The following IL6ST variants were observed in gnomAD, a reference collection of about 807,000 sequenced individuals.
IL6ST encodes interleukin-6 receptor subunit beta.
A neutral mutation model predicts 91.3 loss-of-function variants in IL6ST; 24 were observed. The observed-to-expected ratio is 0.26, with a 90% CI of 0.19 to 0.37. IL6ST has a LOEUF of 0.37. IL6ST is among the 10% of genes least tolerant of loss of function. IL6ST has a pLI of 1.00. For synonymous variants in IL6ST, 351 were observed against 373.6 expected (o/e 0.94, Z 0.70); for missense variants, 914 against 1,078.5 (o/e 0.85, Z 2.14).
intron 1 of IL6ST, among the ~76,000 whole-genome samples, chr5:55,984,763 T>C (rs543154448): frequency 3.4e-4 from 51 of 152,132 alleles, no homozygotes; most frequent in African/African-American, 1.1e-3. Flanking sequence ...TAACTTTAAG[T>C]ATATAATGCA....
At chr5:55,993,636 C>CGAAA (rs2111966003) in intron 1 of IL6ST, among the ~76,000 whole-genome samples, 1 of 152,290 alleles carries the variant, frequency 6.6e-6, no homozygotes, top group East Asian at 1.9e-4. Flanking sequence ...GACACTTTCT[C>CGAAA]CTTCCTGTAA....
chr5:55,980,474 C>T (rs973750652), intron 2 of IL6ST, among the ~76,000 whole-genome samples: 1 of 152,070 alleles, frequency 6.6e-6, no homozygotes, highest in African/African-American at 2.4e-5. Context: ...CACTTGAACC[C>T]GGGAGGCGGA....
intron 2 of IL6ST, among the ~76,000 whole-genome samples, chr5:55,980,929 T>C (rs916772906): frequency 4.6e-5 from 7 of 152,190 alleles, no homozygotes; most frequent in Non-Finnish European, 8.8e-5. Flanking sequence ...GGGGTCTCAC[T>C]ATGTTGCACA....
At chr5:55,973,334 A>G (rs1753074550) in intron 3 of IL6ST, among the ~76,000 whole-genome samples, 1 of 152,186 alleles carries the variant, frequency 6.6e-6, no homozygotes, top group Non-Finnish European at 1.5e-5. Context: ...CCCCAACCAC[A>G]TCAGATCTGT....
intron 1 of IL6ST, among the ~76,000 whole-genome samples, chr5:55,989,665 G>T (rs1032250304): frequency 3.9e-5 from 6 of 152,112 alleles, no homozygotes; most frequent in African/African-American, 1.2e-4. Flanking sequence ...CATAATTGAA[G>T]CCATATAAAT....
chr5:55,951,718 C>A, intron 13 of IL6ST, 114 bp from the exon 14 acceptor site: 1 of 1,033,978 alleles, frequency 9.7e-7, no homozygotes, highest in Non-Finnish European at 1.4e-6. Flanking sequence ...TGTTGGAAAA[C>A]AACTTTTATA....
At chr5:55,994,445 T>C (rs1248279639) in intron 1 of IL6ST, among the ~76,000 whole-genome samples, 1 of 150,796 alleles carries the variant, frequency 6.6e-6, no homozygotes, top group African/African-American at 2.4e-5. Flanking sequence ...TCAGGGGAGA[T>C]GAAAAGGGGA....
chr5:55,967,658 T>C (rs1057455438), intron 5 of IL6ST, among the ~76,000 whole-genome samples: 2 of 152,184 alleles, frequency 1.3e-5, no homozygotes, highest in Admixed American at 6.5e-5. Context: ...TTGGATGAAA[T>C]ATGATGCCCG....
Position 55,940,032 on chromosome 5 carries a change from A to AG in IL6ST, c.*1049_*1050insC, listed in dbSNP as rs1468097101. 5.7e-6 allele frequency: 1 copy of AG among 175,780 alleles called. No homozygotes were observed. Among genetic ancestry groups the AG allele is most frequent in the East Asian group, 7.8e-5 (1 of 12,888 alleles). 10.9% of individuals were successfully genotyped at this position (175,780 alleles called of 1,614,324 possible). Reference sequence around the variant, plus strand: ...TCTTTGCCTACTTATTTAAAAATAAAAAAAATACTCAAAACAAATTTAAGC... The same window carrying AG: ...TCTTTGCCTACTTATTTAAAAATAAAGAAAAATACTCAAAACAAATTTAAGC... On this transcript the variant is annotated 3_prime_UTR_variant, in exon 17 of 17. Coordinates refer to ENST00000381298, the MANE Select transcript of IL6ST (RefSeq NM_002184.4).
Position 55,936,288 on chromosome 5 carries a change from A to T in IL6ST, c.*4794T>A, listed in dbSNP as rs116432676. The T allele has an allele frequency of 4.5e-6, 1 of 223,500 alleles. No homozygotes were observed. The highest frequency in any genetic ancestry group is 8.9e-6 in the Non-Finnish European group (1 of 112,268). The allele number at this position is 223,500 out of a possible 1,614,324, so 13.8% of individuals were successfully genotyped here. The stretch of plus-strand genomic sequence containing the variant: ...AGCAGAGTGCAGGGTGGGCACAGAC[A>T]GGCCACAAGATGGCGCAGCACCTCC... On this transcript the variant is annotated 3_prime_UTR_variant, in exon 17 of 17. Coordinates refer to ENST00000381298, the MANE Select transcript of IL6ST (RefSeq NM_002184.4).
chr5:55,935,438 T>G lies in IL6ST; in HGVS notation c.*5644A>C, dbSNP rs71622202. 191 of 207,860 alleles carry G rather than the reference T, an allele frequency of 9.2e-4. 1 individual carries two copies. The highest frequency in any genetic ancestry group is 1.6e-3 in the Non-Finnish European group (168 of 102,102). 12.9% of individuals were successfully genotyped at this position (207,860 alleles called of 1,614,324 possible). A position where few individuals can be genotyped will look rare whatever the true frequency, so the allele number is the denominator to read the frequency against. Reference sequence around the variant, plus strand: ...ATATTTAAAAACAAATATTGAATTTTGAGTTGAAAGGTACATTTTCCTCCC... The same window carrying G: ...ATATTTAAAAACAAATATTGAATTTGGAGTTGAAAGGTACATTTTCCTCCC... On this transcript the variant is annotated 3_prime_UTR_variant, in exon 17 of 17. Transcript: ENST00000381298.
chr5:55,951,912 T>G lies in IL6ST; in HGVS notation c.1699+17A>C. 7.4e-7 allele frequency: 1 copy of G among 1,348,604 alleles called. No homozygotes were observed. The highest frequency in any genetic ancestry group is 1.0e-6 in the Non-Finnish European group (1 of 954,834). 83.5% of individuals were successfully genotyped at this position (1,348,604 alleles called of 1,614,324 possible). A position where few individuals can be genotyped will look rare whatever the true frequency, so the allele number is the denominator to read the frequency against. On this transcript the variant is annotated intron_variant, in intron 13 of 16. Transcript: ENST00000381298. Reference sequence around the variant, plus strand: ...GAAAAAATAACTGATTCTTAATAACTGATACAGTTTTATTACCAGTTTCAT... The same window carrying G: ...GAAAAAATAACTGATTCTTAATAACGGATACAGTTTTATTACCAGTTTCAT...
At chr5:55,987,009 T>C (rs950055421) in intron 1 of IL6ST, among the ~76,000 whole-genome samples, 4 of 152,054 alleles carry the variant, frequency 2.6e-5, no homozygotes, top group Non-Finnish European at 4.4e-5. Context: ...CTACAAAAAA[T>C]AAAAAGTTAG....
rs200081300 is a variant in IL6ST at position 55,969,694 on chromosome 5, T to C, written c.226A>G (p.Lys76Glu). 390 of 1,612,366 alleles carry C rather than the reference T, an allele frequency of 2.4e-4. 2 individuals carry two copies. The highest frequency in any genetic ancestry group is 3.3e-4 in the Admixed American group (20 of 60,000). ...VWKTNHFTIPKEQYTIINRTA... is the reference protein window; with the variant it reads ...VWKTNHFTIPEEQYTIINRTA... ...CTGTTTATGATAGTATATTGCTCCT[T>C]AGGAATAGTAAAATGGTTTGTTTTC... Residue 76 changes from lysine (K) to glutamate (E), a missense_variant, in exon 4 of 17, where the codon AAG becomes GAG. By Grantham distance (56) the Lys-to-Glu change is moderately conservative. Transcript: ENST00000381298.
intron 10 of IL6ST, 151 bp downstream of exon 10, chr5:55,955,874 A>G (rs181374407): frequency 2.2e-6 from 1 of 452,762 alleles, no homozygotes; most frequent in East Asian, 3.3e-5. Flanking sequence ...ATCATTATTT[A>G]TAAAATTTAA....
chr5:55,967,378 TA>T (rs2111795969), intron 5 of IL6ST, among the ~76,000 whole-genome samples: 1 of 121,018 alleles, frequency 8.3e-6, no homozygotes, highest in East Asian at 2.7e-4. Context: ...GTACAATGTA[TA>T]ACAGTTTAAC....
chr5:55,993,288 A>G (rs933657052), intron 1 of IL6ST, among the ~76,000 whole-genome samples: 1 of 152,238 alleles, frequency 6.6e-6, no homozygotes, highest in African/African-American at 2.4e-5. Context: ...AATGATTCAG[A>G]GCACAGGATT....
chr5:55,942,595 T>TACTA (rs981332298), intron 16 of IL6ST, 75 bp downstream of exon 16: 2 of 741,458 alleles, frequency 2.7e-6, no homozygotes, highest in African/African-American at 3.6e-5. Flanking sequence ...TCAATATACC[T>TACTA]ACTAACTGTA....
At chr5:55,991,654 C>T (rs1017337887) in intron 1 of IL6ST, among the ~76,000 whole-genome samples, 7 of 151,322 alleles carry the variant, frequency 4.6e-5, no homozygotes, top group Non-Finnish European at 1.0e-4. Context: ...AATAATAATG[C>T]CAAATATTCT....
Sources: allele counts gnomAD v4.1 joint callset (sites outside exome capture counted in the v4.1 genomes callset), GRCh38; gene constraint gnomAD v4.1.1; transcripts MANE v1.5; gene names NCBI Gene and HGNC (gene_info 2026-07-23, HGNC 2026-07-21).